GPR173: variants seen among roughly 807,000 people sequenced by gnomAD.
The protein encoded by GPR173 is G protein-coupled receptor 173.
A neutral mutation model predicts 13.9 loss-of-function variants in GPR173; 2 were observed. That is an observed-to-expected ratio of 0.14 (90% CI 0.06 to 0.45). The LOEUF (loss-of-function observed/expected upper bound fraction) is 0.45, where lower values mean the gene tolerates loss of function less well. GPR173 is among the 20% of genes least tolerant of loss of function. The pLI, the probability that GPR173 is intolerant of heterozygous loss-of-function variation, is 0.98. For missense variants in GPR173, 202 were observed against 340.5 expected, an observed-to-expected ratio of 0.59 and a Z score of 3.20; for synonymous variants, 131 against 141.0, an observed-to-expected ratio of 0.93 and a Z score of 0.50.
chrX:53,054,394 C>T (rs1306218026), intron 1 of GPR173, among the ~76,000 whole-genome samples: 1 of 109,581 alleles, frequency 9.1e-6, no homozygotes, highest in Non-Finnish European at 1.9e-5. Flanking sequence ...GTCCCAGCTA[C>T]TTGGGAGGCT....
At chrX:53,065,131 C>T (rs896629228) in intron 1 of GPR173, 1 of 111,837 alleles carries the variant, frequency 8.9e-6, no homozygotes, top group African/African-American at 3.3e-5. Context: ...TTGGTAAAAG[C>T]TCAAACAAAG....
chrX:53,073,525 C>A (rs915718139), intron 1 of GPR173, among the ~76,000 whole-genome samples: 2 of 109,631 alleles, frequency 1.8e-5, no homozygotes, highest in East Asian at 2.9e-4. Context: ...GATGTACCCC[C>A]CAGGCTGCTG....
In GPR173 at chrX:53,060,033, C is replaced by T. The variant is rs781924129; in HGVS notation, c.-98+10549C>T. Among the ~76,000 whole-genome samples the T allele has an allele frequency of 1.8e-4, 19 of 103,628 alleles. No homozygotes were observed. In the Middle Eastern group the frequency reaches 0.014, roughly 79 times the overall value. 90.0% of individuals were successfully genotyped at this position (103,628 alleles called of 115,157 possible). ...TGTATATTATATATATATATATATA[C>T]ACACACACACATACACACACGCACA... is the stretch of plus-strand genomic sequence containing the variant. On this transcript the variant is annotated intron_variant, in intron 1 of 1. Transcript: ENST00000332582.
rs1932434136 is a variant in GPR173 at position 53,076,507 on chromosome X, G to A, written c.-97-18G>A. The A allele has an allele frequency of 3.2e-5, 16 of 498,541 alleles. No individual in the cohort carries two copies. In the South Asian group the frequency reaches 4.3e-4, roughly 14 times the overall value. 41.1% of individuals were successfully genotyped at this position (498,541 alleles called of 1,213,427 possible). A position where few individuals can be genotyped will look rare whatever the true frequency, so the allele number is the denominator to read the frequency against. On this transcript the variant is annotated intron_variant, in intron 1 of 1. Transcript: ENST00000332582. ...GTCTCTCTGTGTCTGTGTCTCCCCCGCTCATTCCCATTTGCAGGTGCAATG... is the reference window on the plus strand; with the variant it reads ...GTCTCTCTGTGTCTGTGTCTCCCCCACTCATTCCCATTTGCAGGTGCAATG...
At chrX:53,054,140 G>GTGTGTGTA (rs1400358324) in intron 1 of GPR173, among the ~76,000 whole-genome samples, 2 of 86,907 alleles carry the variant, frequency 2.3e-5, no homozygotes, top group African/African-American at 1.2e-4. Flanking sequence ...TTAATAGAGT[G>GTGTGTGTA]TGTGTGTATG....
Position 53,077,542 on chromosome X carries a change from C to T in GPR173, c.921C>T (p.Tyr307=), listed in dbSNP as rs782589199. 3 of 1,211,301 alleles carry T rather than the reference C, an allele frequency of 2.5e-6. No homozygotes were observed. Among genetic ancestry groups the T allele is most frequent in the Non-Finnish European group, 2.2e-6 (2 of 894,821 alleles). ...LLWSPYIVAC[Y]WRVFVKACAV... ...GGTCACCCTACATCGTGGCCTGCTA[C>T]TGGCGAGTGTTTGTGAAAGCCTGTG... is the stretch of plus-strand genomic sequence containing the variant. Residue 307 remains tyrosine, a synonymous_variant, in exon 2 of 2, where the codon TAC becomes TAT. Coordinates refer to ENST00000332582, the MANE Select transcript of GPR173 (RefSeq NM_018969.6).
At chrX:53,050,841 T>G (rs1363272925) in intron 1 of GPR173, among the ~76,000 whole-genome samples, 2 of 111,537 alleles carry the variant, frequency 1.8e-5, no homozygotes, top group African/African-American at 6.5e-5. Flanking sequence ...TTGTAGAGAA[T>G]GATAAGTGGT....
chrX:53,074,521 T>C (rs868953805), intron 1 of GPR173, among the ~76,000 whole-genome samples: 1 of 35,135 alleles, frequency 2.8e-5, no homozygotes, highest in Non-Finnish European at 4.0e-5. Context: ...TATATATATT[T>C]ATTTATAAAT....
rs1932467470 is a variant in GPR173, at chrX:53,078,006, C to T, written c.*263C>T. 2.9e-6 allele frequency: 1 copy of T among 350,433 alleles called. No homozygotes were observed. Among genetic ancestry groups the T allele is most frequent in the African/African-American group, 3.5e-5 (1 of 28,398 alleles). 28.9% of individuals were successfully genotyped at this position (350,433 alleles called of 1,213,427 possible). Reference sequence around the variant, plus strand: ...CCACTTCTACAATCTCATTCTCTCTCTCTCTCTCTCTGTCTCTCTCTCTCT... The same window carrying T: ...CCACTTCTACAATCTCATTCTCTCTTTCTCTCTCTCTGTCTCTCTCTCTCT... On this transcript the variant is annotated 3_prime_UTR_variant, in exon 2 of 2. Transcript: ENST00000332582.
chrX:53,074,874 A>T (rs1398873428), intron 1 of GPR173, among the ~76,000 whole-genome samples: 2 of 101,951 alleles, frequency 2.0e-5, no homozygotes, highest in African/African-American at 3.6e-5. Flanking sequence ...TGGAGGGGGC[A>T]TTATCTGTCA....
At chrX:53,076,227 T>C (rs1446792872) in intron 1 of GPR173, among the ~76,000 whole-genome samples, 1 of 111,024 alleles carries the variant, frequency 9.0e-6, no homozygotes, top group Non-Finnish European at 1.9e-5. Context: ...CTTCCTCATC[T>C]TTCCTTTCCA....
intron 1 of GPR173, among the ~76,000 whole-genome samples, chrX:53,056,503 G>A (rs1459066053): frequency 1.8e-5 from 2 of 109,501 alleles, no homozygotes; most frequent in African/African-American, 3.3e-5. Flanking sequence ...AGAGTGTGTG[G>A]GTGTGTGTGT....
Position 53,079,404 on chromosome X carries a change from G to A in GPR173, c.*1661G>A, listed in dbSNP as rs1026057456. ...GAGTAGGGGAGCCTGTTCTCTCAGC[G>A]ATAGTGATGGGGGTGCCTTTCCGAG... On this transcript the variant is annotated 3_prime_UTR_variant, in exon 2 of 2. Coordinates refer to ENST00000332582, the MANE Select transcript of GPR173 (RefSeq NM_018969.6). 3.0e-5 allele frequency: 3 copies of A among 99,806 alleles called. No individual in the cohort carries two copies. Among genetic ancestry groups the A allele is most frequent in the African/African-American group, 8.3e-5 (2 of 24,202 alleles). The allele number at this position is 99,806 out of a possible 1,213,427, so 8.2% of individuals were successfully genotyped here. A position where few individuals can be genotyped will look rare whatever the true frequency, so the allele number is the denominator to read the frequency against.
intron 1 of GPR173, among the ~76,000 whole-genome samples, chrX:53,061,970 A>G (rs1039327995): frequency 3.5e-5 from 3 of 86,832 alleles, no homozygotes; most frequent in Non-Finnish European, 6.3e-5. Context: ...AAAGAGAGAG[A>G]AGAGAAGGGA....
At chrX:53,071,473 G>T (rs1056487344) in intron 1 of GPR173, among the ~76,000 whole-genome samples, 1 of 111,926 alleles carries the variant, frequency 8.9e-6, no homozygotes, top group African/African-American at 3.3e-5. Context: ...ATAATTCGGG[G>T]TATGTTAAAA....
intron 1 of GPR173, among the ~76,000 whole-genome samples, chrX:53,072,579 C>T (rs1392435413): frequency 9.1e-6 from 1 of 109,894 alleles, no homozygotes; most frequent in Non-Finnish European, 1.9e-5. Context: ...GTCTCTTTCT[C>T]CCTCCTGTGT....
At chrX:53,059,165 C>A (rs1373722419) in intron 1 of GPR173, among the ~76,000 whole-genome samples, 1 of 107,458 alleles carries the variant, frequency 9.3e-6, no homozygotes, top group African/African-American at 3.4e-5. Flanking sequence ...AGGAGAATGG[C>A]GTGAACCTGG....
At chrX:53,074,534 C>T (rs868961870) in intron 1 of GPR173, among the ~76,000 whole-genome samples, 2 of 18,912 alleles carry the variant, frequency 1.1e-4, no homozygotes. Flanking sequence ...TTATAAATAA[C>T]TATAAATATA....
At chrX:53,060,203 G>C (rs1416942836) in intron 1 of GPR173, among the ~76,000 whole-genome samples, 3 of 109,013 alleles carry the variant, frequency 2.8e-5, no homozygotes, top group Non-Finnish European at 5.7e-5. Context: ...AGGCTGGAGT[G>C]CAGCGGCACC....
Sources: allele counts gnomAD v4.1 joint callset (sites outside exome capture counted in the v4.1 genomes callset), GRCh38; gene constraint gnomAD v4.1.1; transcripts MANE v1.5; gene names NCBI Gene and HGNC (gene_info 2026-07-23, HGNC 2026-07-21).